BEAN1: variants seen among roughly 807,000 people sequenced by gnomAD.
BEAN1 encodes brain expressed associated with NEDD4 1, also known as protein BEAN1.
A neutral mutation model predicts 17.7 loss-of-function variants in BEAN1; 17 were observed. That is an observed-to-expected ratio of 0.96 (90% CI 0.66 to 1.44). The LOEUF (loss-of-function observed/expected upper bound fraction) is 1.44. Among genes scored for constraint, BEAN1 ranks in the 40% most tolerant of loss-of-function variants. The pLI, the probability that BEAN1 is intolerant of heterozygous loss-of-function variation, is 0.00. For synonymous variants in BEAN1, 142 were observed against 151.8 expected (o/e 0.94, Z 0.47); for missense variants, 359 against 374.1 (o/e 0.96, Z 0.33).
At chr16:66,491,411 G>C (rs990848347) in intron 4 of BEAN1, among the ~76,000 whole-genome samples, 2 of 152,344 alleles carry the variant, frequency 1.3e-5, no homozygotes, top group South Asian at 4.1e-4. Context: ...CTGAGCAAGG[G>C]GGATTCAGCC....
At chr16:66,430,302 C>T (rs923139309) in intron 1 of BEAN1, among the ~76,000 whole-genome samples, 45 of 152,164 alleles carry the variant, frequency 3.0e-4, no homozygotes, top group African/African-American at 1.0e-3. Flanking sequence ...GTTTCCTAAA[C>T]GTATGCATTT....
downstream of BEAN1, among the ~76,000 whole-genome samples, chr16:66,493,741 A>G (rs1964210146): frequency 6.6e-6 from 1 of 152,176 alleles, no homozygotes; most frequent in Non-Finnish European, 1.5e-5. Flanking sequence ...GGCAGCCCTT[A>G]GACCGGAAGC....
At chr16:66,486,474 T>G (rs560720453), downstream of BEAN1, among the ~76,000 whole-genome samples, 7 of 152,232 alleles carry the variant, frequency 4.6e-5, no homozygotes, top group East Asian at 1.4e-3. Context: ...AGGCTGGTCT[T>G]GAACTCCTGA....
Position 66,481,104 on chromosome 16 carries a change from C to T in BEAN1, c.*179C>T, listed in dbSNP as rs139030926. 13 of 537,196 alleles carry T rather than the reference C, an allele frequency of 2.4e-5. No individual in the cohort carries two copies. Among genetic ancestry groups the T allele is most frequent in the Non-Finnish European group, 3.8e-5 (12 of 314,840 alleles). The allele number at this position is 537,196 out of a possible 1,614,324, so 33.3% of individuals were successfully genotyped here. ...CCCCATGTACACACACAGATCTAGA[C>T]GTGCTCCACATATGTGTGAATATGC... On this transcript the variant is annotated 3_prime_UTR_variant, in exon 5 of 5. Transcript: ENST00000536005. The surrounding 1 kb of genome is among the most constrained non-coding windows in gnomAD (Gnocchi z 4.1).
rs1162654234 is a variant in BEAN1 at position 66,481,727 on chromosome 16, G to A, written c.*802G>A. 1.3e-5 allele frequency: 2 copies of A among 154,012 alleles called. No individual in the cohort carries two copies. Among genetic ancestry groups the A allele is most frequent in the South Asian group, 2.1e-4 (1 of 4,848 alleles). The allele number at this position is 154,012 out of a possible 1,614,324, so 9.5% of individuals were successfully genotyped here. A position where few individuals can be genotyped will look rare whatever the true frequency, so the allele number is the denominator to read the frequency against. On this transcript the variant is annotated 3_prime_UTR_variant, in exon 5 of 5. Transcript: ENST00000536005. The surrounding 1 kb of genome is among the most constrained non-coding windows in gnomAD (Gnocchi z 4.1). Reference sequence around the variant, plus strand: ...CCCTCATCAGTCCAGCCACTGCCCAGGACTAAGGGTCTTCAAGGAAGATGA... The same window carrying A: ...CCCTCATCAGTCCAGCCACTGCCCAAGACTAAGGGTCTTCAAGGAAGATGA...
At chr16:66,467,653 A>G (rs1207846570) in intron 2 of BEAN1, among the ~76,000 whole-genome samples, 1 of 152,162 alleles carries the variant, frequency 6.6e-6, no homozygotes, top group African/African-American at 2.4e-5. Context: ...TTGTCTCCAC[A>G]CCCCACATTC....
rs530533484 is a variant in BEAN1, at chr16:66,480,637, C to T, written c.492C>T (p.Asp164=). 19 of 1,550,956 alleles carry T rather than the reference C, an allele frequency of 1.2e-5. No individual in the cohort carries two copies. The highest frequency in any genetic ancestry group is 6.8e-5 in the African/African-American group (5 of 73,154). ...PGATQLYVPT[D]APPPYSLTDS... ...CCACTCAGCTGTATGTCCCCACGGA[C>T]GCACCACCACCCTACTCGCTGACTG... Residue 164 remains aspartate, a synonymous_variant, in exon 5 of 5, where the codon GAC becomes GAT. Coordinates refer to ENST00000536005, the MANE Select transcript of BEAN1 (RefSeq NM_001178020.3).
chr16:66,432,937 C>T lies in BEAN1; in HGVS notation c.-82-4658C>T, dbSNP rs948098248. ...AACCATCTAACAGTGCAATTCCCAC[C>T]TGCACACACTGCTTCTGTTTTTCCT... is the stretch of plus-strand genomic sequence containing the variant. On this transcript the variant is annotated intron_variant, in intron 1 of 4. Transcript: ENST00000536005. 2.0e-5 allele frequency among the ~76,000 whole-genome samples: 3 copies of T among 152,198 alleles called. No homozygotes were observed. The South Asian group carries it at 6.2e-4, about 32-fold the overall frequency.
chr16:66,480,490 A>G, intron 4 of BEAN1, 96 bp from the exon 5 acceptor site: 1 of 1,027,092 alleles, frequency 9.7e-7, no homozygotes, highest in Non-Finnish European at 1.4e-6. Flanking sequence ...GTCCACAGCC[A>G]GGACAGCTTG....
intron 2 of BEAN1, among the ~76,000 whole-genome samples, chr16:66,456,257 C>T (rs1298641591): frequency 6.6e-6 from 1 of 152,214 alleles, no homozygotes; most frequent in Non-Finnish European, 1.5e-5. Flanking sequence ...ATGAATTTAA[C>T]ATTTTACATG....
chr16:66,445,954 C>T (rs147645653), intron 2 of BEAN1, among the ~76,000 whole-genome samples: 5 of 152,086 alleles, frequency 3.3e-5, no homozygotes, highest in African/African-American at 7.2e-5. Flanking sequence ...AGGCCGAGGA[C>T]GATGGATCAC....
chr16:66,473,207 G>A lies in BEAN1; in HGVS notation c.289+3342G>A, dbSNP rs58464270. ...GGCCAGCCCCTCTGTAGCCTGTGGT[G>A]GCCTCGGGACTGGTGCCAATGAATG... is the stretch of plus-strand genomic sequence containing the variant. On this transcript the variant is annotated intron_variant, in intron 3 of 4. Transcript: ENST00000536005. The surrounding 1 kb of genome is among the most constrained non-coding windows in gnomAD (Gnocchi z 4.5). 0.092 allele frequency among the ~76,000 whole-genome samples: 13,989 copies of A among 152,184 alleles called. 815 individuals carry two copies. The highest frequency in any genetic ancestry group is 0.22 in the East Asian group (1,129 of 5,148).
chr16:66,461,569 G>GAC (rs34246549), intron 2 of BEAN1, among the ~76,000 whole-genome samples: 15,490 of 140,624 alleles, frequency 0.11, 899 homozygotes, highest in African/African-American at 0.14. Context: ...GGCAGGCGCA[G>GAC]ACACACACAC....
intron 4 of BEAN1, among the ~76,000 whole-genome samples, chr16:66,490,396 C>CAATAAAATAAAATTAAAATAAAATAA (rs1964149746): frequency 1.5e-5 from 1 of 67,602 alleles, no homozygotes; most frequent in Non-Finnish European, 3.0e-5. Context: ...GACTCTGTTT[C>CAATAAAATAAAATTAAAATAAAATAA]AATAAAATAA....
Position 66,469,602 on chromosome 16 carries a change from T to C in BEAN1, c.26T>C (p.Leu9Ser), listed in dbSNP as rs780551720. Residue 9 changes from leucine to serine, a missense_variant and splice_region_variant, in exon 3 of 5, where the codon TTA (leucine) becomes TCA (serine). By Grantham distance (145) the Leu-to-Ser change is moderately radical. Transcript: ENST00000536005. ...CAGTGTCCTCTCTCTCTGTCCACAG[T>C]AGCACGATACAACCGCACCAGCTAC... MSFKRPCP[L>S]ARYNRTSYFY... The C allele has an allele frequency of 3.9e-6, 6 of 1,535,484 alleles. No homozygotes were observed. The highest frequency in any genetic ancestry group is 4.4e-6 in the Non-Finnish European group (5 of 1,146,474).
intron 2 of BEAN1, among the ~76,000 whole-genome samples, chr16:66,464,023 A>G (rs1362899342): frequency 6.6e-6 from 1 of 152,208 alleles, no homozygotes; most frequent in Non-Finnish European, 1.5e-5. Flanking sequence ...TATCTTGATC[A>G]TAGTAGCTCT....
chr16:66,456,664 A>T (rs1259838260), intron 2 of BEAN1, among the ~76,000 whole-genome samples: 1 of 152,218 alleles, frequency 6.6e-6, no homozygotes, highest in African/African-American at 2.4e-5. Flanking sequence ...TGTGATGTCA[A>T]CCAGTTTGCC....
intron 2 of BEAN1, among the ~76,000 whole-genome samples, chr16:66,445,576 T>C (rs1962423171): frequency 6.9e-6 from 1 of 144,742 alleles, no homozygotes; most frequent in African/African-American, 2.6e-5. Context: ...GGAACAGAAG[T>C]TGCTAGAGGG....
At chr16:66,431,116 A>T (rs913832796) in intron 1 of BEAN1, among the ~76,000 whole-genome samples, 16 of 152,286 alleles carry the variant, frequency 1.1e-4, no homozygotes, top group East Asian at 5.8e-4. Flanking sequence ...AATTAAAAAA[A>T]TTTTTTTCAA....
Sources: gnomAD v4.1 joint callset for allele counts (sites outside exome capture counted in the v4.1 genomes callset) on GRCh38, gnomAD v4.1.1 for gene constraint, Gnocchi (gnomAD v3.1) non-coding constraint, MANE v1.5 for transcripts, NCBI Gene and HGNC (gene_info 2026-07-23, HGNC 2026-07-21) for gene names.